Variants in TJP1 observed in about 807,000 individuals in gnomAD.
TJP1 encodes the protein tight junction protein 1, also known as tight junction protein ZO-1.
Under a neutral mutation model 194.2 loss-of-function variants are expected in TJP1, and 43 were observed. The observed-to-expected ratio is 0.22, with a 90% confidence interval of 0.17 to 0.29. TJP1 has a LOEUF of 0.29. Among genes scored for constraint, TJP1 ranks in the 10% least tolerant of loss-of-function variants. TJP1 has a pLI of 1.00. For missense variants in TJP1, 1,971 were observed against 2,185.7 expected, an observed-to-expected ratio of 0.90 and a Z score of 1.96; for synonymous variants, 801 against 779.0, an observed-to-expected ratio of 1.03 and a Z score of -0.47.
At chr15:29,765,061 G>GA (rs933084075) in intron 5 of TJP1, among the ~76,000 whole-genome samples, 9 of 152,016 alleles carry the variant, frequency 5.9e-5, no homozygotes, top group South Asian at 2.1e-4. Context: ...AAAGGTGGGG[G>GA]AAAAAAACAG....
chr15:29,733,068 T>C (rs1178928269), intron 13 of TJP1, 26 bp downstream of exon 13: 2 of 1,601,760 alleles, frequency 1.2e-6, no homozygotes, highest in East Asian at 2.2e-5. Context: ...TGATTCACTC[T>C]ATGAGAAGTA....
At chr15:29,737,737 T>C (rs1182573377) in intron 10 of TJP1, among the ~76,000 whole-genome samples, 1 of 152,194 alleles carries the variant, frequency 6.6e-6, no homozygotes, top group Non-Finnish European at 1.5e-5. Flanking sequence ...TAAAAACATC[T>C]TCCATTTTTT....
intron 2 of TJP1, among the ~76,000 whole-genome samples, chr15:29,891,149 C>CTGCAAA (rs143610605): frequency 0.015 from 2,238 of 152,336 alleles, 53 homozygotes; most frequent in African/African-American, 0.052. Context: ...CCTCCCTGGG[C>CTGCAAA]TGCAGTCCCT....
At chr15:29,858,983 G>C (rs1327458889) in intron 2 of TJP1, among the ~76,000 whole-genome samples, 1 of 152,140 alleles carries the variant, frequency 6.6e-6, no homozygotes, top group Non-Finnish European at 1.5e-5. Flanking sequence ...ACGAGCCACT[G>C]TGCCCAACCT....
upstream of TJP1, among the ~76,000 whole-genome samples, chr15:29,825,210 A>G (rs1416193794): frequency 1.3e-5 from 2 of 152,228 alleles, no homozygotes; most frequent in Non-Finnish European, 2.9e-5. Context: ...CACCCATTTA[A>G]CAATTAAAGA....
chr15:29,793,019 AG>A (rs772034810), intron 2 of TJP1, among the ~76,000 whole-genome samples: 5 of 152,130 alleles, frequency 3.3e-5, no homozygotes, highest in Non-Finnish European at 5.9e-5. Flanking sequence ...TAGAGTCCTT[AG>A]GTTTTTCTAA....
At chr15:29,916,149 G>A (rs1326010840) in intron 2 of TJP1, among the ~76,000 whole-genome samples, 1 of 151,134 alleles carries the variant, frequency 6.6e-6, no homozygotes, top group Non-Finnish European at 1.5e-5. Flanking sequence ...GGAGGCTGAG[G>A]CAGCAAAATC....
At chr15:29,941,116 A>G (rs2055058412) in intron 2 of TJP1, among the ~76,000 whole-genome samples, 1 of 152,240 alleles carries the variant, frequency 6.6e-6, no homozygotes, top group South Asian at 2.1e-4. Flanking sequence ...TAGCAAAAAT[A>G]AAAGATGAAC....
chr15:29,859,268 G>A (rs934052248), intron 2 of TJP1, among the ~76,000 whole-genome samples: 1 of 152,166 alleles, frequency 6.6e-6, no homozygotes, highest in Non-Finnish European at 1.5e-5. Context: ...TTTGACTGAT[G>A]AGACACTATG....
At chr15:29,764,920 AAATT>A (rs1355254418) in intron 5 of TJP1, among the ~76,000 whole-genome samples, 2 of 152,206 alleles carry the variant, frequency 1.3e-5, no homozygotes, top group African/African-American at 4.8e-5. Flanking sequence ...GAGATTGCCT[AAATT>A]AATTGTTATT....
intron 8 of TJP1, among the ~76,000 whole-genome samples, chr15:29,748,388 A>G (rs2044958200): frequency 1.3e-5 from 2 of 152,144 alleles, no homozygotes; most frequent in Admixed American, 6.5e-5. Flanking sequence ...TTACAGCACA[A>G]AATAAAATAA....
chr15:29,811,980 G>C (rs2049552641), intron 1 of TJP1, among the ~76,000 whole-genome samples: 1 of 152,114 alleles, frequency 6.6e-6, no homozygotes, highest in Non-Finnish European at 1.5e-5. Context: ...TATTAAAATA[G>C]GCTTCACTTA....
At chr15:29,955,783 A>AAG (rs61271567) in intron 2 of TJP1, among the ~76,000 whole-genome samples, 1 of 147,362 alleles carries the variant, frequency 6.8e-6, no homozygotes, top group Non-Finnish European at 1.5e-5. Flanking sequence ...AAAAAAAAAA[A>AAG]GAATAGAAAG....
Position 29,700,244 on chromosome 15 carries a change from TGTA to T in TJP1, c.*1348_*1350del, listed in dbSNP as rs2041458574. The T allele has an allele frequency of 2.5e-6, 1 of 398,962 alleles. No individual in the cohort carries two copies. The highest frequency in any genetic ancestry group is 4.4e-6 in the Non-Finnish European group (1 of 226,038). 24.7% of individuals were successfully genotyped at this position (398,962 alleles called of 1,614,324 possible). A position where few individuals can be genotyped will look rare whatever the true frequency, so the allele number is the denominator to read the frequency against. On this transcript the variant is annotated 3_prime_UTR_variant, in exon 28 of 28. Coordinates refer to ENST00000614355, the MANE Select transcript of TJP1 (RefSeq NM_001330239.4). ...CAGTCACACCTAATGATTAACAGAA[TGTA>T]GTGGTGTATTATCTAAACAGAAATC...
intron 8 of TJP1, among the ~76,000 whole-genome samples, chr15:29,754,302 G>A (rs1260339542): frequency 6.6e-6 from 1 of 152,154 alleles, no homozygotes; most frequent in Non-Finnish European, 1.5e-5. Flanking sequence ...GTTCTCACTT[G>A]TAAGTGGGAG....
intron 1 of TJP1, among the ~76,000 whole-genome samples, chr15:29,801,797 C>A (rs2048807963): frequency 6.6e-6 from 1 of 151,932 alleles, no homozygotes; most frequent in South Asian, 2.1e-4. Flanking sequence ...GGTGTCCAAT[C>A]TTTTGGCTTC....
At chr15:29,944,075 T>A (rs1367485240) in intron 2 of TJP1, among the ~76,000 whole-genome samples, 2 of 122,496 alleles carry the variant, frequency 1.6e-5, no homozygotes, top group South Asian at 3.0e-4. Context: ...ACTTTAAATT[T>A]ATTTATTTAT....
intron 2 of TJP1, among the ~76,000 whole-genome samples, chr15:29,949,609 CT>C (rs2055526200): frequency 6.9e-5 from 5 of 72,146 alleles, no homozygotes; most frequent in African/African-American, 2.2e-4. Flanking sequence ...CCACCTCCAC[CT>C]TCACCACCAC....
At chr15:29,937,356 A>G (rs2054919528) in intron 2 of TJP1, among the ~76,000 whole-genome samples, 1 of 152,156 alleles carries the variant, frequency 6.6e-6, no homozygotes, top group African/African-American at 2.4e-5. Flanking sequence ...TTCTCATTTT[A>G]TATCATTTAA....
Sources: gnomAD v4.1 joint callset for allele counts (sites outside exome capture counted in the v4.1 genomes callset) on GRCh38, gnomAD v4.1.1 for gene constraint, MANE v1.5 for transcripts, NCBI Gene and HGNC (gene_info 2026-07-23, HGNC 2026-07-21) for gene names.